The following TAOK1 variants were observed in gnomAD, a reference collection of about 807,000 sequenced individuals.
The protein encoded by TAOK1 is serine/threonine-protein kinase TAO1.
TAOK1 carries 21 observed loss-of-function variants against 138.3 expected under a neutral mutation model. That is an observed-to-expected ratio of 0.15 (90% confidence interval 0.11 to 0.22). The LOEUF (loss-of-function observed/expected upper bound fraction) is 0.22, where lower values mean the gene tolerates loss of function less well. Ranked by LOEUF, TAOK1 falls within the 10% of genes least tolerant of loss-of-function variation. TAOK1 has a pLI of 1.00. For missense variants in TAOK1, 651 were observed against 1,227.7 expected (o/e 0.53, Z 7.02); for synonymous variants, 361 against 398.4 (o/e 0.91, Z 1.12).
chr17:29,445,276 A>G (rs1336512874), intron 1 of TAOK1: 1 of 152,366 alleles, frequency 6.6e-6, no homozygotes, highest in Admixed American at 6.5e-5. Context: ...ATCCAATTAT[A>G]CTCTTCAAGT....
At chr17:29,419,338 A>G (rs1308313513) in intron 1 of TAOK1, among the ~76,000 whole-genome samples, 2 of 151,978 alleles carry the variant, frequency 1.3e-5, no homozygotes, top group Admixed American at 6.6e-5. Context: ...CTGGGATTAC[A>G]GGCATGTGCC....
rs570364955 is a variant in TAOK1 at position 29,424,441 on chromosome 17, A to C, written c.-94-27014A>C. ...AACAGAGCGAGACTCCCTCTCAAAA[A>C]AAAAAAAAAAAAAAAAAGACAAATA... is the stretch of plus-strand genomic sequence containing the variant. On this transcript the variant is annotated intron_variant, in intron 1 of 19. Coordinates refer to ENST00000261716, the MANE Select transcript of TAOK1 (RefSeq NM_020791.4). 9.5e-3 allele frequency among the ~76,000 whole-genome samples: 1,398 copies of C among 147,184 alleles called. 1 individual carries two copies. Among genetic ancestry groups the C allele is most frequent in the Non-Finnish European group, 0.014 (904 of 64,876 alleles).
intron 19 of TAOK1, among the ~76,000 whole-genome samples, chr17:29,537,918 C>G (rs180842572): frequency 0.012 from 1,763 of 152,014 alleles, 19 homozygotes; most frequent in Non-Finnish European, 0.017. Flanking sequence ...TCAAGACCAG[C>G]CTGGCCAACG....
At chr17:29,494,685 G>T (rs1030194570) in intron 10 of TAOK1, among the ~76,000 whole-genome samples, 1 of 151,900 alleles carries the variant, frequency 6.6e-6, no homozygotes, top group South Asian at 2.1e-4. Flanking sequence ...AATTAGCCGG[G>T]TGTGGTGGCG....
intron 1 of TAOK1, among the ~76,000 whole-genome samples, chr17:29,392,327 T>C (rs1221156578): frequency 6.6e-6 from 1 of 152,210 alleles, no homozygotes; most frequent in African/African-American, 2.4e-5. Context: ...AATATTGAAA[T>C]TGGATTTTTT....
chr17:29,485,295 T>C (rs2031147874), intron 8 of TAOK1, among the ~76,000 whole-genome samples: 2 of 152,162 alleles, frequency 1.3e-5, no homozygotes, highest in South Asian at 4.2e-4. Context: ...GTTTAGGGTA[T>C]AAAATTATAG....
chr17:29,518,108 A>C (rs2031850537), intron 16 of TAOK1, among the ~76,000 whole-genome samples: 1 of 152,154 alleles, frequency 6.6e-6, no homozygotes, highest in Non-Finnish European at 1.5e-5. Context: ...TGCCCGTCTC[A>C]GCCTCCCAAA....
chr17:29,517,141 C>T (rs2031832353), intron 15 of TAOK1, among the ~76,000 whole-genome samples: 1 of 152,124 alleles, frequency 6.6e-6, no homozygotes, highest in Admixed American at 6.6e-5. Flanking sequence ...CACCCGCCAC[C>T]ATGCCCGGCT....
chr17:29,500,902 A>G (rs1398488922), intron 12 of TAOK1, among the ~76,000 whole-genome samples: 3 of 152,212 alleles, frequency 2.0e-5, no homozygotes, highest in Non-Finnish European at 4.4e-5. Flanking sequence ...TTAAACTTCT[A>G]TAAAATATCT....
intron 7 of TAOK1, 114 bp downstream of exon 7, chr17:29,480,595 G>T: frequency 1.2e-6 from 1 of 848,204 alleles, no homozygotes. Context: ...TCGGCCAGGT[G>T]CAATGGCTCA....
At chr17:29,419,802 T>A (rs1449961282) in intron 1 of TAOK1, among the ~76,000 whole-genome samples, 1 of 152,136 alleles carries the variant, frequency 6.6e-6, no homozygotes, top group African/African-American at 2.4e-5. Context: ...CCATGATTTT[T>A]AATTTTATTG....
chr17:29,501,978 G>A (rs187516713), intron 12 of TAOK1, among the ~76,000 whole-genome samples: 61 of 152,140 alleles, frequency 4.0e-4, no homozygotes, highest in South Asian at 1.0e-3. Context: ...TTGACACTGC[G>A]GTGAGCCATT....
intron 3 of TAOK1, among the ~76,000 whole-genome samples, chr17:29,474,974 C>G (rs1287183034): frequency 6.6e-6 from 1 of 152,088 alleles, no homozygotes; most frequent in Non-Finnish European, 1.5e-5. Flanking sequence ...GAGTTTCGCT[C>G]TGTCACCAGG....
At chr17:29,424,309 T>G (rs377167813) in intron 1 of TAOK1, among the ~76,000 whole-genome samples, 76 of 149,334 alleles carry the variant, frequency 5.1e-4, no homozygotes, top group Middle Eastern at 3.5e-3. Flanking sequence ...TGGTGGCGGG[T>G]GCCTGTAGTC....
At chr17:29,480,729 G>T (rs958733680) in intron 7 of TAOK1, among the ~76,000 whole-genome samples, 1 of 151,746 alleles carries the variant, frequency 6.6e-6, no homozygotes, top group Admixed American at 6.6e-5. Flanking sequence ...AATTAGCCAG[G>T]CATGGTGGTG....
intron 12 of TAOK1, among the ~76,000 whole-genome samples, 159 bp downstream of exon 12, chr17:29,498,680 G>A (rs1194089863): frequency 2.6e-5 from 4 of 152,216 alleles, no homozygotes; most frequent in Admixed American, 6.5e-5. Flanking sequence ...CACTTTGGGA[G>A]GCCGAGGCGG....
chr17:29,453,060 A>G (rs1366335140), intron 2 of TAOK1, among the ~76,000 whole-genome samples: 1 of 152,088 alleles, frequency 6.6e-6, no homozygotes, highest in Non-Finnish European at 1.5e-5. Flanking sequence ...GCACCACAGC[A>G]GCTGCACCAG....
chr17:29,457,118 G>C (rs1352582101), intron 2 of TAOK1, among the ~76,000 whole-genome samples: 1 of 106,856 alleles, frequency 9.4e-6, no homozygotes, highest in Non-Finnish European at 1.7e-5. Flanking sequence ...TTTTGAGACA[G>C]AGTCTCACTC....
At chr17:29,493,221 G>A (rs1437593811) in intron 10 of TAOK1, among the ~76,000 whole-genome samples, 3 of 149,502 alleles carry the variant, frequency 2.0e-5, no homozygotes, top group Admixed American at 6.7e-5. Context: ...ATGGCCGGGC[G>A]CGGTGGCTCA....
Sources: allele counts gnomAD v4.1 joint callset (sites outside exome capture counted in the v4.1 genomes callset), GRCh38; gene constraint gnomAD v4.1.1; transcripts MANE v1.5; gene names NCBI Gene and HGNC (gene_info 2026-07-23, HGNC 2026-07-21).